The following TNNI3K variants were observed in gnomAD, a reference collection of about 807,000 sequenced individuals.
TNNI3K encodes the protein TNNI3 interacting kinase.
TNNI3K carries 140 observed loss-of-function variants against 114.5 expected under a neutral mutation model. The observed-to-expected ratio is 1.22, with a 90% CI of 1.07 to 1.41. The LOEUF (loss-of-function observed/expected upper bound fraction) is 1.41, where lower values mean the gene tolerates loss of function less well. TNNI3K is among the 40% of genes most tolerant of loss of function. The pLI, the probability that TNNI3K is intolerant of heterozygous loss-of-function variation, is 0.00. For synonymous variants in TNNI3K, 347 were observed against 347.5 expected (o/e 1.00, Z 0.02); for missense variants, 1,125 against 1,007.6 (o/e 1.12, Z -1.58).
At chr1:74,353,930 G>A in intron 10 of TNNI3K, 50 bp from the exon 11 acceptor site, 3 of 1,567,014 alleles carry the variant, frequency 1.9e-6, no homozygotes, top group Non-Finnish European at 1.7e-6. Context: ...AAATTGGGGA[G>A]CAGTTTTTCT....
intron 5 of TNNI3K, among the ~76,000 whole-genome samples, chr1:74,304,650 T>G (rs564254): frequency 1 from 151,651 of 152,058 alleles, 75,624 homozygotes; most frequent in Middle Eastern, 1. Flanking sequence ...TCACTATGTT[T>G]CCCGGGCTTG....
At chr1:74,393,587 G>A (rs1381777023) in intron 17 of TNNI3K, among the ~76,000 whole-genome samples, 1 of 152,162 alleles carries the variant, frequency 6.6e-6, no homozygotes, top group African/African-American at 2.4e-5. Context: ...AAAAAATAAG[G>A]TGGATCAAGT....
chr1:74,399,156 TA>T (rs1234711047), intron 17 of TNNI3K, among the ~76,000 whole-genome samples: 19,780 of 76,874 alleles, frequency 0.26, 2,333 homozygotes, highest in African/African-American at 0.45. Context: ...CAAAACCCAT[TA>T]AAAAAAAAAA....
chr1:74,543,062 CCCTTTTTTTTTTTTT>C (rs1165461432), intron 24 of TNNI3K, among the ~76,000 whole-genome samples: 4 of 104,618 alleles, frequency 3.8e-5, no homozygotes, highest in African/African-American at 7.1e-5. Flanking sequence ...TTTTCTTTTT[CCCTTTTTTTTTTTTT>C]TTTTTTTTTT....
intron 23 of TNNI3K, among the ~76,000 whole-genome samples, chr1:74,521,881 T>C (rs921698290): frequency 2.0e-5 from 3 of 152,216 alleles, no homozygotes; most frequent in African/African-American, 7.2e-5. Flanking sequence ...GGTCTATTCA[T>C]AATGCCATTT....
chr1:74,460,253 G>A (rs139696708), intron 20 of TNNI3K, among the ~76,000 whole-genome samples: 2,539 of 152,118 alleles, frequency 0.017, 30 homozygotes, highest in Non-Finnish European at 0.027. Flanking sequence ...GTTTTTAGTA[G>A]AGATGCGGTT....
chr1:74,335,862 C>T (rs539920715), intron 6 of TNNI3K, 149 bp from the exon 7 acceptor site: 1 of 761,846 alleles, frequency 1.3e-6, no homozygotes, highest in Non-Finnish European at 2.0e-6. Flanking sequence ...TATTAATCAA[C>T]CCTAGAATTG....
chr1:74,241,851 C>CTT (rs68025428), intron 2 of TNNI3K, among the ~76,000 whole-genome samples: 3 of 128,096 alleles, frequency 2.3e-5, no homozygotes, highest in Non-Finnish European at 3.3e-5. Flanking sequence ...AGTTCTTTTC[C>CTT]TTTTTTTTTT....
chr1:74,262,277 C>A (rs1655724589), intron 4 of TNNI3K, among the ~76,000 whole-genome samples: 1 of 152,012 alleles, frequency 6.6e-6, no homozygotes, highest in Non-Finnish European at 1.5e-5. Context: ...GCATCCCTGT[C>A]CTCTGTTCTC....
At chr1:74,510,375 C>G (rs1217386705) in intron 23 of TNNI3K, among the ~76,000 whole-genome samples, 4 of 152,006 alleles carry the variant, frequency 2.6e-5, no homozygotes, top group Non-Finnish European at 5.9e-5. Context: ...GGGCATGGTG[C>G]CTGGCGCCTG....
intron 24 of TNNI3K, among the ~76,000 whole-genome samples, chr1:74,542,539 G>A (rs1018102041): frequency 6.6e-6 from 1 of 152,202 alleles, no homozygotes; most frequent in Non-Finnish European, 1.5e-5. Context: ...AGTCCCAAAA[G>A]AGGTGAGTGA....
chr1:74,512,284 G>A (rs1670268531), intron 23 of TNNI3K, among the ~76,000 whole-genome samples: 1 of 152,162 alleles, frequency 6.6e-6, no homozygotes, highest in Admixed American at 6.5e-5. Context: ...GAGTGACATA[G>A]ACACAGTAGA....
chr1:74,398,853 A>G (rs1465274158), intron 17 of TNNI3K, among the ~76,000 whole-genome samples: 4 of 152,156 alleles, frequency 2.6e-5, no homozygotes, highest in Admixed American at 2.6e-4. Flanking sequence ...AAAGCATACT[A>G]CTAAACTAAT....
intron 4 of TNNI3K, among the ~76,000 whole-genome samples, chr1:74,253,700 G>A (rs376372135): frequency 2.6e-5 from 4 of 151,424 alleles, no homozygotes; most frequent in African/African-American, 7.3e-5. Flanking sequence ...AAGCCCCGCC[G>A]TGCGGCCCCA....
intron 23 of TNNI3K, among the ~76,000 whole-genome samples, chr1:74,521,188 G>A (rs1646427234): frequency 6.6e-6 from 1 of 152,154 alleles, no homozygotes; most frequent in African/African-American, 2.4e-5. Flanking sequence ...GTAGTTATAA[G>A]GAGCATGTGC....
At chr1:74,268,241 T>C (rs1200254349) in intron 4 of TNNI3K, among the ~76,000 whole-genome samples, 1 of 151,986 alleles carries the variant, frequency 6.6e-6, no homozygotes, top group African/African-American at 2.4e-5. Context: ...TCCCTACTAC[T>C]CTGCATTGAA....
intron 24 of TNNI3K, among the ~76,000 whole-genome samples, chr1:74,543,200 G>C (rs1646748594): frequency 6.7e-6 from 1 of 148,878 alleles, no homozygotes; most frequent in African/African-American, 2.5e-5. Flanking sequence ...TCAGCCTCCT[G>C]AGTAGCTGAG....
At chr1:74,511,776 G>A (rs946720613) in intron 23 of TNNI3K, among the ~76,000 whole-genome samples, 9 of 151,878 alleles carry the variant, frequency 5.9e-5, no homozygotes, top group African/African-American at 1.5e-4. Flanking sequence ...AAGCCATCCC[G>A]TTTCACTTGA....
intron 22 of TNNI3K, 28 bp from the exon 23 acceptor site, chr1:74,492,069 C>A (rs199915359): frequency 6.7e-7 from 1 of 1,484,870 alleles, no homozygotes; most frequent in Non-Finnish European, 9.1e-7. Context: ...AAGTATTAAA[C>A]AATTGAAATT....
Sources: gnomAD v4.1 joint callset for allele counts (sites outside exome capture counted in the v4.1 genomes callset) on GRCh38, gnomAD v4.1.1 for gene constraint, MANE v1.5 for transcripts, NCBI Gene and HGNC (gene_info 2026-07-23, HGNC 2026-07-21) for gene names.